FGF12: variants seen among roughly 807,000 people sequenced by gnomAD.
FGF12 encodes fibroblast growth factor 12.
In FGF12, 14 loss-of-function variants were observed where a neutral mutation model predicts 23.6. That is an observed-to-expected ratio of 0.59 (90% CI 0.39 to 0.93). The LOEUF (loss-of-function observed/expected upper bound fraction) is 0.93, where lower values mean the gene tolerates loss of function less well. Among genes scored for constraint, FGF12 ranks in the 40% least tolerant of loss-of-function variants. The probability of loss-of-function intolerance (pLI) is 0.00; values close to 1 mark genes in which losing one functional copy is unlikely to be tolerated. For synonymous variants in FGF12, 62 were observed against 77.3 expected, an observed-to-expected ratio of 0.80 and a Z score of 1.04; for missense variants, 175 against 217.8, an observed-to-expected ratio of 0.80 and a Z score of 1.24.
At chr3:192,398,857 G>T (rs1720638088) in intron 2 of FGF12, among the ~76,000 whole-genome samples, 1 of 152,128 alleles carries the variant, frequency 6.6e-6, no homozygotes, top group Admixed American at 6.5e-5. Flanking sequence ...ATCCTTAGGT[G>T]GGAAGGAGAG....
chr3:192,526,689 A>G (rs1481357291), intron 2 of FGF12, among the ~76,000 whole-genome samples: 3 of 152,254 alleles, frequency 2.0e-5, no homozygotes, highest in African/African-American at 7.2e-5. Context: ...CTCAAAACAT[A>G]GGAAATGGTC....
intron 4 of FGF12, among the ~76,000 whole-genome samples, chr3:192,274,000 T>C (rs1577307780): frequency 2.0e-5 from 3 of 152,112 alleles, no homozygotes; most frequent in African/African-American, 7.2e-5. Context: ...TTATACAGGC[T>C]GAAGATGATT....
intron 2 of FGF12, among the ~76,000 whole-genome samples, chr3:192,442,688 T>C (rs955907291): frequency 6.6e-6 from 1 of 152,240 alleles, no homozygotes; most frequent in Non-Finnish European, 1.5e-5. Context: ...TCTCAGTATT[T>C]ACATGAATTC....
intron 4 of FGF12, among the ~76,000 whole-genome samples, chr3:192,194,681 A>G (rs1176159170): frequency 6.6e-6 from 1 of 152,162 alleles, no homozygotes; most frequent in East Asian, 1.9e-4. Context: ...ATACTCATAG[A>G]AATGTAACTT....
chr3:192,658,550 G>A (rs1204749610), intron 2 of FGF12, among the ~76,000 whole-genome samples: 1 of 152,150 alleles, frequency 6.6e-6, no homozygotes, highest in East Asian at 1.9e-4. Flanking sequence ...AAGTTTTAGG[G>A]TGCATTAGCT....
At position 192,633,289 on chromosome 3, in the gene FGF12, G is replaced by C. The variant is rs988328930; in HGVS notation, c.13+93892C>G. Among the ~76,000 whole-genome samples the C allele has an allele frequency of 2.0e-5, 3 of 151,950 alleles. No individual in the cohort carries two copies. In the South Asian group the frequency reaches 6.2e-4, roughly 32 times the overall value. ...TTGAATTCCTGACCTCAAGTGATCCGCCTGCCTCTGCCTCCCAAAGTGTTG... is the reference window on the plus strand; with the variant it reads ...TTGAATTCCTGACCTCAAGTGATCCCCCTGCCTCTGCCTCCCAAAGTGTTG... On this transcript the variant is annotated intron_variant, in intron 2 of 5. Coordinates refer to ENST00000445105, the MANE Select transcript of FGF12 (RefSeq NM_004113.6).
chr3:192,467,763 G>A (rs140040277), intron 2 of FGF12, among the ~76,000 whole-genome samples: 1 of 152,158 alleles, frequency 6.6e-6, no homozygotes, highest in Non-Finnish European at 1.5e-5. Flanking sequence ...TCCCTGCTAG[G>A]AAATGGCAGA....
intron 4 of FGF12, among the ~76,000 whole-genome samples, chr3:192,303,839 A>C (rs1300144479): frequency 1.3e-5 from 2 of 152,202 alleles, no homozygotes; most frequent in Non-Finnish European, 2.9e-5. Context: ...CTAATCACAA[A>C]ATATAGCAGA....
intron 5 of FGF12, among the ~76,000 whole-genome samples, chr3:192,168,428 A>G (rs1297631915): frequency 6.6e-6 from 1 of 152,128 alleles, no homozygotes; most frequent in Admixed American, 6.5e-5. Flanking sequence ...CCTACCTCTC[A>G]TCTCAAATTG....
At chr3:192,661,487 T>C (rs1414362974) in intron 2 of FGF12, among the ~76,000 whole-genome samples, 4 of 152,132 alleles carry the variant, frequency 2.6e-5, no homozygotes, top group Non-Finnish European at 4.4e-5. Context: ...ATCTCACCAC[T>C]GCACTCCAGC....
intron 2 of FGF12, among the ~76,000 whole-genome samples, chr3:192,544,634 C>T (rs1725451758): frequency 6.6e-6 from 1 of 152,170 alleles, no homozygotes; most frequent in African/African-American, 2.4e-5. Context: ...ATAGATTTCT[C>T]TCTACAACAC....
At chr3:192,241,031 G>A (rs1321868380) in intron 4 of FGF12, among the ~76,000 whole-genome samples, 1 of 152,038 alleles carries the variant, frequency 6.6e-6, no homozygotes, top group Non-Finnish European at 1.5e-5. Flanking sequence ...AAATATTCAA[G>A]GAAAGAAAAA....
At chr3:192,490,484 C>A (rs920303410) in intron 2 of FGF12, among the ~76,000 whole-genome samples, 1 of 151,804 alleles carries the variant, frequency 6.6e-6, no homozygotes, top group Non-Finnish European at 1.5e-5. Context: ...TGTATGTATA[C>A]ATGTGTATGT....
chr3:192,156,460 C>G (rs75804287), intron 5 of FGF12, among the ~76,000 whole-genome samples: 1 of 152,152 alleles, frequency 6.6e-6, no homozygotes, highest in Non-Finnish European at 1.5e-5. Context: ...CTTTGTTTCT[C>G]TCTGATTGCA....
At chr3:192,448,759 T>C (rs900500386) in intron 2 of FGF12, among the ~76,000 whole-genome samples, 3 of 152,206 alleles carry the variant, frequency 2.0e-5, no homozygotes, top group East Asian at 1.9e-4. Flanking sequence ...TATTCTGGCA[T>C]ATCATTAGAT....
At chr3:192,610,396 G>A (rs1370324808) in intron 2 of FGF12, among the ~76,000 whole-genome samples, 1 of 152,066 alleles carries the variant, frequency 6.6e-6, no homozygotes. Flanking sequence ...TGTATATCCA[G>A]GGAGGAAATT....
intron 2 of FGF12, among the ~76,000 whole-genome samples, chr3:192,550,861 C>A (rs141122551): frequency 6.6e-6 from 1 of 152,036 alleles, no homozygotes; most frequent in African/African-American, 2.4e-5. Flanking sequence ...TTTAAAGATA[C>A]GAATACCTTT....
chr3:192,481,935 G>A (rs965337330), intron 2 of FGF12, among the ~76,000 whole-genome samples: 2 of 152,146 alleles, frequency 1.3e-5, no homozygotes, highest in African/African-American at 2.4e-5. Flanking sequence ...AGACTGCTGG[G>A]TATTCAAGCA....
chr3:192,409,061 G>T lies in FGF12; in HGVS notation c.14-48523C>A. Reference sequence around the variant, plus strand: ...CGGCCAGCAGCACTGCAAAGAGAGCGGGAGGCGAGGGAGGGGGGAGGGCGC... The same window carrying T: ...CGGCCAGCAGCACTGCAAAGAGAGCTGGAGGCGAGGGAGGGGGGAGGGCGC... On this transcript the variant is annotated intron_variant, in intron 2 of 5. Coordinates refer to ENST00000445105, the MANE Select transcript of FGF12 (RefSeq NM_004113.6). The surrounding 1 kb of genome is among the most constrained non-coding windows in gnomAD (Gnocchi z 4.8). The T allele has an allele frequency of 1.0e-6, 1 of 958,068 alleles. No individual in the cohort carries two copies. The highest frequency in any genetic ancestry group is 1.2e-6 in the Non-Finnish European group (1 of 805,462). 59.3% of individuals were successfully genotyped at this position (958,068 alleles called of 1,614,324 possible).
Sources: gnomAD v4.1 joint callset for allele counts (sites outside exome capture counted in the v4.1 genomes callset) on GRCh38, gnomAD v4.1.1 for gene constraint, Gnocchi (gnomAD v3.1) non-coding constraint, MANE v1.5 for transcripts, NCBI Gene and HGNC (gene_info 2026-07-23, HGNC 2026-07-21) for gene names.